The following DDX10 variants were observed in gnomAD, a reference collection of about 807,000 sequenced individuals.
DDX10 encodes DEAD-box helicase 10.
Under a neutral mutation model 104.3 loss-of-function variants are expected in DDX10, and 74 were observed. The observed-to-expected ratio is 0.71, with a 90% confidence interval of 0.59 to 0.86. The LOEUF is 0.86. Among genes scored for constraint, DDX10 ranks in the 40% least tolerant of loss-of-function variants. The pLI is 0.00. For missense variants in DDX10, 952 were observed against 1,040.0 expected (o/e 0.92, Z 1.16); for synonymous variants, 351 against 353.4 (o/e 0.99, Z 0.08).
chr11:108,844,238 AT>A (rs1862681637), intron 15 of DDX10, among the ~76,000 whole-genome samples: 1 of 152,178 alleles, frequency 6.6e-6, no homozygotes, highest in South Asian at 2.1e-4. Flanking sequence ...TCCAAATAGG[AT>A]TTTGAAAATC....
intron 13 of DDX10, among the ~76,000 whole-genome samples, chr11:108,728,419 CAAATAA>C (rs941581324): frequency 2.0e-5 from 3 of 148,862 alleles, no homozygotes; most frequent in African/African-American, 5.1e-5. Context: ...CAGAAAATCA[CAAATAA>C]AAATAAAAAT....
In DDX10 at chr11:108,895,913, G is replaced by T. The variant is rs535186590; in HGVS notation, c.2305-21960G>T. 3.2e-4 allele frequency among the ~76,000 whole-genome samples: 48 copies of T among 152,184 alleles called. No homozygotes were observed. In the Middle Eastern group the frequency reaches 0.017, roughly 54 times the overall value. On this transcript the variant is annotated intron_variant, in intron 16 of 17. Transcript: ENST00000322536. Reference sequence around the variant, plus strand: ...TTCTTCCTTTGTGGTGATAGTTTGTGATTTGAAATAAACCATTTATGCCAA... The same window carrying T: ...TTCTTCCTTTGTGGTGATAGTTTGTTATTTGAAATAAACCATTTATGCCAA...
At chr11:108,909,312 G>A (rs1468650856) in intron 16 of DDX10, among the ~76,000 whole-genome samples, 2 of 152,056 alleles carry the variant, frequency 1.3e-5, no homozygotes, top group Non-Finnish European at 2.9e-5. Context: ...CCCAGGAAGG[G>A]CATGGAAGTT....
chr11:108,801,669 T>A (rs1383821714), intron 13 of DDX10, among the ~76,000 whole-genome samples: 1 of 152,118 alleles, frequency 6.6e-6, no homozygotes, highest in Non-Finnish European at 1.5e-5. Flanking sequence ...TTGAGGATGG[T>A]TTTATGTGCT....
chr11:108,750,247 A>C (rs1386097886), intron 13 of DDX10, among the ~76,000 whole-genome samples: 1 of 152,026 alleles, frequency 6.6e-6, no homozygotes, highest in African/African-American at 2.4e-5. Context: ...TTATTTTAGT[A>C]TGTTTAGCAG....
chr11:108,687,885 T>C (rs1227727021), intron 6 of DDX10, among the ~76,000 whole-genome samples: 1 of 152,198 alleles, frequency 6.6e-6, no homozygotes, highest in East Asian at 1.9e-4. Context: ...CCTCCTTTTT[T>C]CTTTCACTGT....
At chr11:108,783,455 G>T (rs1861738528) in intron 13 of DDX10, among the ~76,000 whole-genome samples, 1 of 152,154 alleles carries the variant, frequency 6.6e-6, no homozygotes, top group Non-Finnish European at 1.5e-5. Context: ...TAAAAGGCAG[G>T]AAGGTGGATA....
chr11:108,742,582 C>T (rs1305878718), intron 13 of DDX10, among the ~76,000 whole-genome samples: 1 of 152,004 alleles, frequency 6.6e-6, no homozygotes, highest in Non-Finnish European at 1.5e-5. Context: ...ACAACAACAA[C>T]AACAAGAAAC....
chr11:108,878,598 C>G (rs1863184130), intron 16 of DDX10, among the ~76,000 whole-genome samples: 1 of 152,164 alleles, frequency 6.6e-6, no homozygotes, highest in Non-Finnish European at 1.5e-5. Flanking sequence ...AGTCTTATGA[C>G]AAAGACTTCC....
chr11:108,935,149 A>T (rs1864021144), intron 17 of DDX10, among the ~76,000 whole-genome samples: 1 of 152,198 alleles, frequency 6.6e-6, no homozygotes, highest in Non-Finnish European at 1.5e-5. Flanking sequence ...TAGGCAGAAG[A>T]AGAAATCTTC....
intron 16 of DDX10, among the ~76,000 whole-genome samples, chr11:108,857,554 C>T (rs1011263315): frequency 1.3e-5 from 2 of 152,138 alleles, no homozygotes; most frequent in Non-Finnish European, 2.9e-5. Flanking sequence ...CCTTTGTGTG[C>T]CTATCTCTCA....
At chr11:108,842,708 G>A (rs1170220914) in intron 15 of DDX10, among the ~76,000 whole-genome samples, 1 of 152,188 alleles carries the variant, frequency 6.6e-6, no homozygotes, top group Non-Finnish European at 1.5e-5. Flanking sequence ...TTGCATTGCT[G>A]CTCTTAGTGC....
chr11:108,778,383 A>C (rs1220419411), intron 13 of DDX10, among the ~76,000 whole-genome samples: 3 of 152,248 alleles, frequency 2.0e-5, no homozygotes, highest in Non-Finnish European at 1.5e-5. Context: ...CCTTGGAAAT[A>C]ATACCACACA....
At chr11:108,872,163 T>A (rs535604020) in intron 16 of DDX10, among the ~76,000 whole-genome samples, 3 of 152,346 alleles carry the variant, frequency 2.0e-5, no homozygotes, top group East Asian at 3.9e-4. Flanking sequence ...TCTCAGTTGT[T>A]TCTGTGGATA....
At chr11:108,796,593 G>T (rs752576541) in intron 13 of DDX10, among the ~76,000 whole-genome samples, 8 of 152,096 alleles carry the variant, frequency 5.3e-5, no homozygotes, top group Non-Finnish European at 1.0e-4. Context: ...TTATAATGTT[G>T]TATAAATATT....
At chr11:108,672,993 A>G (rs576191567) in intron 1 of DDX10, among the ~76,000 whole-genome samples, 29 of 152,350 alleles carry the variant, frequency 1.9e-4, no homozygotes, top group Non-Finnish European at 4.0e-4. Flanking sequence ...AAAACTTTGA[A>G]AGGATTGTGC....
At chr11:108,869,792 A>G (rs962403201) in intron 16 of DDX10, among the ~76,000 whole-genome samples, 3 of 152,140 alleles carry the variant, frequency 2.0e-5, no homozygotes, top group African/African-American at 7.2e-5. Flanking sequence ...TACTTTCATT[A>G]TAGAAAATTA....
chr11:108,732,561 G>A (rs943337195), intron 13 of DDX10, among the ~76,000 whole-genome samples: 1 of 152,188 alleles, frequency 6.6e-6, no homozygotes, highest in African/African-American at 2.4e-5. Context: ...AGGCCTTCTG[G>A]AATGCTGCCT....
chr11:108,822,495 G>A, intron 13 of DDX10: 1 of 288,914 alleles, frequency 3.5e-6, no homozygotes, highest in Admixed American at 4.1e-5. Context: ...TGTTCTTATT[G>A]GTGTCTGTGT....
Sources: gnomAD v4.1 joint callset for allele counts (sites outside exome capture counted in the v4.1 genomes callset) on GRCh38, gnomAD v4.1.1 for gene constraint, MANE v1.5 for transcripts, NCBI Gene and HGNC (gene_info 2026-07-23, HGNC 2026-07-21) for gene names.